The following C1QTNF7 variants were observed in gnomAD, a reference collection of about 807,000 sequenced individuals.
C1QTNF7 encodes C1q and TNF related 7, also known as complement C1q tumor necrosis factor-related protein 7.
Under a neutral mutation model 19.6 loss-of-function variants are expected in C1QTNF7, and 15 were observed. That is an observed-to-expected ratio of 0.76 (90% CI 0.51 to 1.18). The LOEUF (loss-of-function observed/expected upper bound fraction) is 1.18. Ranked by LOEUF, C1QTNF7 falls within the 50% of genes most tolerant of loss-of-function variation. C1QTNF7 has a pLI of 0.00. For missense variants in C1QTNF7, 324 were observed against 359.7 expected (o/e 0.90, Z 0.80); for synonymous variants, 142 against 137.5 (o/e 1.03, Z -0.23).
At chr4:15,424,449 T>A (rs1711944697), upstream of C1QTNF7, among the ~76,000 whole-genome samples, 1 of 152,208 alleles carries the variant, frequency 6.6e-6, no homozygotes, top group Non-Finnish European at 1.5e-5. Flanking sequence ...GCTGGCTCTT[T>A]CGGGGTGAAG....
At chr4:15,436,089 G>C (rs1712526194) in intron 2 of C1QTNF7, 108 bp downstream of exon 2, 2 of 1,442,328 alleles carry the variant, frequency 1.4e-6, no homozygotes, top group Admixed American at 4.8e-5. Context: ...AACCCCTTCT[G>C]TACTTTCATT....
intron 1 of C1QTNF7, among the ~76,000 whole-genome samples, chr4:15,435,287 C>T (rs984886393): frequency 4.6e-5 from 7 of 152,064 alleles, no homozygotes; most frequent in African/African-American, 1.7e-4. Flanking sequence ...TCACTTTCTC[C>T]ATAGTATAGA....
chr4:15,401,620 G>C (rs1719000777), intron 1 of C1QTNF7, among the ~76,000 whole-genome samples: 2 of 152,170 alleles, frequency 1.3e-5, no homozygotes, highest in Non-Finnish European at 2.9e-5. Flanking sequence ...CACCACCAGA[G>C]AACACAGAGA....
intron 1 of C1QTNF7, among the ~76,000 whole-genome samples, chr4:15,341,600 A>C (rs900203211): frequency 2.0e-5 from 3 of 152,054 alleles, no homozygotes; most frequent in African/African-American, 7.2e-5. Context: ...CTCTTTCCCA[A>C]ATCTTCTTCT....
At chr4:15,393,241 C>T (rs374697267) in intron 1 of C1QTNF7, among the ~76,000 whole-genome samples, 3 of 152,172 alleles carry the variant, frequency 2.0e-5, no homozygotes, top group African/African-American at 7.2e-5. Flanking sequence ...AAATGTGAGT[C>T]CATTAAGCCT....
intron 1 of C1QTNF7, among the ~76,000 whole-genome samples, chr4:15,388,065 T>C (rs758058500): frequency 2.0e-5 from 3 of 152,154 alleles, no homozygotes; most frequent in Non-Finnish European, 2.9e-5. Flanking sequence ...CATTATGCAA[T>C]GTAAAAGGCA....
intron 1 of C1QTNF7, among the ~76,000 whole-genome samples, chr4:15,370,989 A>C (rs1289972326): frequency 1.3e-5 from 2 of 152,226 alleles, no homozygotes; most frequent in African/African-American, 4.8e-5. Context: ...GTTTCTTTGC[A>C]CATGTGGTTC....
chr4:15,437,930 G>T (rs1382308570), intron 2 of C1QTNF7, among the ~76,000 whole-genome samples: 1 of 152,150 alleles, frequency 6.6e-6, no homozygotes, highest in Non-Finnish European at 1.5e-5. Flanking sequence ...AATTGCACCT[G>T]GTTGAGAACG....
intron 1 of C1QTNF7, among the ~76,000 whole-genome samples, chr4:15,418,695 A>G (rs978406293): frequency 6.8e-6 from 1 of 146,096 alleles, no homozygotes; most frequent in Non-Finnish European, 1.6e-5. Context: ...AAAAAGAGGT[A>G]GTAAAATACA....
chr4:15,430,379 G>A (rs78735582), intron 1 of C1QTNF7, among the ~76,000 whole-genome samples: 4,747 of 152,248 alleles, frequency 0.031, 102 homozygotes, highest in South Asian at 0.057. Context: ...GAGTTTAGGA[G>A]TTCAAGACCA....
intron 1 of C1QTNF7, among the ~76,000 whole-genome samples, chr4:15,343,033 A>G (rs191445923): frequency 6.6e-6 from 1 of 152,346 alleles, no homozygotes; most frequent in Admixed American, 6.5e-5. Context: ...TGTAAGGTCT[A>G]CTATCAAAAT....
intron 1 of C1QTNF7, among the ~76,000 whole-genome samples, chr4:15,351,626 T>A (rs1271648447): frequency 6.6e-6 from 1 of 152,114 alleles, no homozygotes; most frequent in Admixed American, 6.5e-5. Flanking sequence ...TACATCAGAA[T>A]CTCTGGGGGT....
In C1QTNF7 at chr4:15,445,991, C is replaced by T. The variant is rs1454191912; in HGVS notation, c.*3192C>T. The T allele has an allele frequency of 2.0e-5, 3 of 152,120 alleles. No homozygotes were observed. Among genetic ancestry groups the T allele is most frequent in the African/African-American group, 2.4e-5 (1 of 41,428 alleles). The allele number at this position is 152,120 out of a possible 1,614,324, so 9.4% of individuals were successfully genotyped here. A position where few individuals can be genotyped will look rare whatever the true frequency, so the allele number is the denominator to read the frequency against. ...TGAACATGAATGTGCCTGTGTTACA[C>T]ATTTTCAGGCCACAAATGTTTCTTT... On this transcript the variant is annotated 3_prime_UTR_variant, in exon 3 of 3. Coordinates refer to ENST00000444304, the MANE Select transcript of C1QTNF7 (RefSeq NM_031911.5).
At chr4:15,430,230 C>T (rs926808306) in intron 1 of C1QTNF7, among the ~76,000 whole-genome samples, 3 of 152,100 alleles carry the variant, frequency 2.0e-5, no homozygotes, top group Non-Finnish European at 4.4e-5. Flanking sequence ...GTAATCCCTA[C>T]AGAAAAATAG....
chr4:15,344,871 A>G (rs1415803488), intron 1 of C1QTNF7, among the ~76,000 whole-genome samples: 2 of 152,186 alleles, frequency 1.3e-5, no homozygotes, highest in Admixed American at 6.5e-5. Context: ...GCAAAATTCA[A>G]CTGTCTACCT....
At chr4:15,395,894 C>CCT (rs1165299671) in intron 1 of C1QTNF7, among the ~76,000 whole-genome samples, 1 of 152,150 alleles carries the variant, frequency 6.6e-6, no homozygotes, top group Non-Finnish European at 1.5e-5. Flanking sequence ...AGACGTTAAA[C>CCT]CTCAGTCTTT....
Position 15,435,734 on chromosome 4 carries a change from A to G in C1QTNF7, c.-8-2A>G, listed in dbSNP as rs754468609. 1.4e-5 allele frequency: 23 copies of G among 1,614,008 alleles called. No homozygotes were observed. The highest frequency in any genetic ancestry group is 8.5e-6 in the Non-Finnish European group (10 of 1,179,986). ...ATTTACGTCTGTGTGTTTCTCTTCC[A>G]GAGCCAAAGATGTTTGTCTTGCTCT... On this transcript the variant is annotated splice_acceptor_variant, in intron 1 of 2. Coordinates refer to ENST00000444304, the MANE Select transcript of C1QTNF7 (RefSeq NM_031911.5). LOFTEE classifies it low-confidence loss of function (5UTR_SPLICE).
chr4:15,440,808 T>C (rs931512371), intron 2 of C1QTNF7, among the ~76,000 whole-genome samples: 2 of 152,164 alleles, frequency 1.3e-5, no homozygotes, highest in Non-Finnish European at 2.9e-5. Context: ...TTGTAGCATG[T>C]TGAGCCCTCG....
intron 1 of C1QTNF7, among the ~76,000 whole-genome samples, chr4:15,341,430 T>C (rs907800380): frequency 6.6e-6 from 1 of 152,206 alleles, no homozygotes; most frequent in African/African-American, 2.4e-5. Context: ...AAGTGGACTG[T>C]TGTGGCTTCC....
Sources: gnomAD v4.1 joint callset for allele counts (sites outside exome capture counted in the v4.1 genomes callset) on GRCh38, gnomAD v4.1.1 for gene constraint, MANE v1.5 for transcripts, NCBI Gene and HGNC (gene_info 2026-07-23, HGNC 2026-07-21) for gene names.